Variants in EPB41 observed in about 807,000 individuals in gnomAD.
The protein encoded by EPB41 is protein 4.1.
In EPB41, 65 loss-of-function variants were observed where a neutral mutation model predicts 108.0. That is an observed-to-expected ratio of 0.60 (90% CI 0.49 to 0.74). EPB41 has a LOEUF of 0.74. Ranked by LOEUF, EPB41 falls within the 30% of genes least tolerant of loss-of-function variation. The pLI, the probability that EPB41 is intolerant of heterozygous loss-of-function variation, is 0.00. For missense variants in EPB41, 875 were observed against 1,037.0 expected (o/e 0.84, Z 2.15); for synonymous variants, 336 against 358.9 (o/e 0.94, Z 0.72).
intron 1 of EPB41, among the ~76,000 whole-genome samples, chr1:28,945,643 A>T (rs1442842320): frequency 6.6e-6 from 1 of 152,176 alleles, no homozygotes; most frequent in Non-Finnish European, 1.5e-5. Context: ...CTGTTTTAAA[A>T]TTTTCTTTAA....
At chr1:28,996,138 A>G (rs1193984334) in intron 3 of EPB41, among the ~76,000 whole-genome samples, 1 of 152,218 alleles carries the variant, frequency 6.6e-6, no homozygotes, top group Admixed American at 6.5e-5. Context: ...TGAGCAAACT[A>G]ATGTTCAGAA....
In EPB41 at chr1:29,058,652, G is replaced by A; in HGVS notation, c.1902+7G>A. ...AAATGGTGACCAAACACAGGTTTGT[G>A]CCAATAGGCCACTTGTTCCTCTTTC... is the stretch of plus-strand genomic sequence containing the variant. On this transcript the variant is annotated splice_region_variant and intron_variant, in intron 13 of 20. Coordinates refer to ENST00000343067, the MANE Select transcript of EPB41 (RefSeq NM_001376013.1). The A allele has an allele frequency of 6.2e-7, 1 of 1,612,538 alleles. No homozygotes were observed. The highest frequency in any genetic ancestry group is 8.5e-7 in the Non-Finnish European group (1 of 1,179,214).
chr1:28,999,375 A>G (rs2096251616), intron 4 of EPB41, among the ~76,000 whole-genome samples: 1 of 152,186 alleles, frequency 6.6e-6, no homozygotes, highest in Non-Finnish European at 1.5e-5. Context: ...ATCTCAAAAA[A>G]AAGAAAAAAG....
intron 1 of EPB41, among the ~76,000 whole-genome samples, chr1:28,923,557 G>A (rs919313136): frequency 2.6e-5 from 4 of 152,142 alleles, no homozygotes; most frequent in Non-Finnish European, 5.9e-5. Context: ...GTAAAGGTCA[G>A]TGTCATCTAC....
chr1:28,898,064 C>T (rs193028162), intron 1 of EPB41, among the ~76,000 whole-genome samples: 10 of 152,244 alleles, frequency 6.6e-5, no homozygotes, highest in Admixed American at 6.5e-4. Context: ...TGTACAAAGG[C>T]TCAAGACTGC....
chr1:28,901,151 G>A lies in EPB41; in HGVS notation c.-8+13941G>A, dbSNP rs561864610. ...TCACTGTGTTAGCCAGGATAGTCTC[G>A]ATCTGCTGACCTTGTGATCCGCCCG... is the stretch of plus-strand genomic sequence containing the variant. On this transcript the variant is annotated intron_variant, in intron 1 of 16. Coordinates refer to the EPB41 transcript ENST00000347529. Among the ~76,000 whole-genome samples, 14 of 151,846 alleles carry A rather than the reference G, an allele frequency of 9.2e-5. No homozygotes were observed. In the East Asian group the frequency reaches 9.7e-4, roughly 11 times the overall value.
At chr1:28,932,885 GTAGT>G (rs1419212594) in intron 1 of EPB41, among the ~76,000 whole-genome samples, 1 of 152,106 alleles carries the variant, frequency 6.6e-6, no homozygotes, top group African/African-American at 2.4e-5. Flanking sequence ...AGAAATATGA[GTAGT>G]TAGTGACCGA....
chr1:28,955,574 A>T (rs571700896), intron 1 of EPB41, among the ~76,000 whole-genome samples: 1 of 151,858 alleles, frequency 6.6e-6, no homozygotes, highest in Non-Finnish European at 1.5e-5. Context: ...TGATCTCTTG[A>T]CCTCATGATC....
chr1:28,907,973 T>A (rs2091961209), intron 1 of EPB41, among the ~76,000 whole-genome samples: 1 of 152,126 alleles, frequency 6.6e-6, no homozygotes, highest in Non-Finnish European at 1.5e-5. Context: ...CAGCCCCTAA[T>A]TCATCTAAGC....
intron 17 of EPB41, among the ~76,000 whole-genome samples, chr1:29,099,068 G>A (rs529183262): frequency 1.3e-5 from 2 of 149,692 alleles, no homozygotes; most frequent in African/African-American, 4.9e-5. Flanking sequence ...CAGCACTTTG[G>A]GAGGCCGAGG....
rs990402368 is a variant in EPB41, at chr1:28,887,382, T to A, written c.-8+172T>A. ...CGAATTCCAGAATCCGAACTTGGGGTCCAAAGGAGTCTGGGCATCTTAAAG... is the reference window on the plus strand; with the variant it reads ...CGAATTCCAGAATCCGAACTTGGGGACCAAAGGAGTCTGGGCATCTTAAAG... On this transcript the variant is annotated intron_variant, in intron 1 of 16. Transcript: ENST00000347529. The surrounding 1 kb of genome is among the most constrained non-coding windows in gnomAD (Gnocchi z 4.9). 1.0e-6 allele frequency: 1 copy of A among 984,922 alleles called. No individual in the cohort carries two copies. The highest frequency in any genetic ancestry group is 1.2e-6 in the Non-Finnish European group (1 of 829,852). 61.0% of individuals were successfully genotyped at this position (984,922 alleles called of 1,614,324 possible).
chr1:29,064,694 T>C (rs1647046044), intron 15 of EPB41, among the ~76,000 whole-genome samples: 1 of 152,190 alleles, frequency 6.6e-6, no homozygotes, highest in Non-Finnish European at 1.5e-5. Context: ...TGTGTCATAA[T>C]GGGAAGAAGA....
intron 1 of EPB41, among the ~76,000 whole-genome samples, chr1:28,951,553 T>C (rs2094722897): frequency 6.6e-6 from 1 of 152,138 alleles, no homozygotes. Flanking sequence ...ACTATGCACA[T>C]TGTTTGAAAT....
At chr1:28,998,898 C>A (rs1285730012) in intron 4 of EPB41, among the ~76,000 whole-genome samples, 1 of 152,194 alleles carries the variant, frequency 6.6e-6, no homozygotes, top group Non-Finnish European at 1.5e-5. Context: ...ATCATAACAT[C>A]ACTTTCTGCC....
chr1:29,051,117 T>G (rs1279314941), intron 11 of EPB41, among the ~76,000 whole-genome samples: 5 of 64,894 alleles, frequency 7.7e-5, no homozygotes, highest in East Asian at 6.1e-4. Context: ...TTTTTTTTTT[T>G]GGAGACAGTC....
intron 5 of EPB41, among the ~76,000 whole-genome samples, chr1:29,014,710 G>A (rs896271415): frequency 2.6e-5 from 4 of 152,202 alleles, no homozygotes; most frequent in Admixed American, 1.3e-4. Flanking sequence ...GATTACAGGT[G>A]TAACCCACCA....
intron 1 of EPB41, among the ~76,000 whole-genome samples, chr1:28,948,970 A>G (rs958387023): frequency 6.6e-6 from 1 of 152,116 alleles, no homozygotes; most frequent in African/African-American, 2.4e-5. Context: ...TCTATGAAAC[A>G]TAAAATGTAG....
At chr1:28,989,498 A>T (rs2095955581) in intron 2 of EPB41, 1 of 549,216 alleles carries the variant, frequency 1.8e-6, no homozygotes, top group Non-Finnish European at 2.3e-6. Flanking sequence ...ACATGTTTCT[A>T]TTATAGGTCT....
At chr1:29,064,924 G>A (rs1042029911) in intron 15 of EPB41, 58 bp from the exon 16 acceptor site, 1 of 1,609,932 alleles carries the variant, frequency 6.2e-7, no homozygotes, top group Admixed American at 1.7e-5. Context: ...GGTTGCCCTT[G>A]ATTATGTTCT....
Sources: gnomAD v4.1 joint callset for allele counts (sites outside exome capture counted in the v4.1 genomes callset) on GRCh38, gnomAD v4.1.1 for gene constraint, Gnocchi (gnomAD v3.1) non-coding constraint, MANE v1.5 for transcripts, NCBI Gene and HGNC (gene_info 2026-07-23, HGNC 2026-07-21) for gene names.